The following STAB2 variants were observed in gnomAD, a reference collection of about 807,000 sequenced individuals.
The protein encoded by STAB2 is stabilin 2, also known as stabilin-2.
In STAB2, 288 loss-of-function variants were observed where a neutral mutation model predicts 338.1. That is an observed-to-expected ratio of 0.85 (90% confidence interval 0.77 to 0.94). The LOEUF is 0.94. STAB2 is among the 40% of genes least tolerant of loss of function. The pLI, the probability that STAB2 is intolerant of heterozygous loss-of-function variation, is 0.00. For missense variants in STAB2, 3,141 were observed against 3,210.1 expected (o/e 0.98, Z 0.52); for synonymous variants, 1,202 against 1,193.3 (o/e 1.01, Z -0.15).
intron 3 of STAB2, among the ~76,000 whole-genome samples, chr12:103,616,258 A>G (rs1404773187): frequency 6.6e-6 from 1 of 152,108 alleles, no homozygotes; most frequent in Non-Finnish European, 1.5e-5. Context: ...ACTCTGCCCC[A>G]TGTTCTGCCA....
At position 103,725,107 on chromosome 12, in the gene STAB2, A is replaced by G. The variant is rs1321831034; in HGVS notation, c.4803+13A>G. On this transcript the variant is annotated intron_variant, in intron 45 of 68. Coordinates refer to ENST00000388887, the MANE Select transcript of STAB2 (RefSeq NM_017564.10). The stretch of plus-strand genomic sequence containing the variant: ...CAGCATTTATCAGGTAACGCGAGAC[A>G]TGTTTCCATCAAGTAAACTCTACTT... 1 of 1,606,598 alleles carries G rather than the reference A, an allele frequency of 6.2e-7. No individual in the cohort carries two copies. The highest frequency in any genetic ancestry group is 2.2e-5 in the East Asian group (1 of 44,698).
At chr12:103,688,021 A>G in intron 27 of STAB2, 147 bp from the exon 28 acceptor site, 1 of 715,540 alleles carries the variant, frequency 1.4e-6, no homozygotes, top group Non-Finnish European at 2.5e-6. Flanking sequence ...TCACATCAGC[A>G]TCAGGGAGGC....
chr12:103,705,610 C>A (rs370343881), intron 36 of STAB2, 22 bp from the exon 37 acceptor site: 15 of 1,609,412 alleles, frequency 9.3e-6, no homozygotes, highest in Non-Finnish European at 1.2e-5. Flanking sequence ...TAGGAGCTGA[C>A]GTAGTCATTA....
intron 53 of STAB2, 100 bp downstream of exon 53, chr12:103,737,880 C>G: frequency 6.8e-7 from 1 of 1,480,854 alleles, no homozygotes; most frequent in Non-Finnish European, 9.1e-7. Context: ...AAGGGCCTGT[C>G]CTCAGCAAGA....
intron 55 of STAB2, among the ~76,000 whole-genome samples, chr12:103,742,193 G>C (rs749640605): frequency 9.9e-5 from 15 of 152,164 alleles, no homozygotes; most frequent in Non-Finnish European, 1.9e-4. Context: ...ACAGTGCACA[G>C]TTCAGTGTAT....
chr12:103,705,643 G>A lies in STAB2; in HGVS notation c.3912G>A (p.Lys1304=). 7 of 1,614,104 alleles carry A rather than the reference G, an allele frequency of 4.3e-6. No homozygotes were observed. Among genetic ancestry groups the A allele is most frequent in the Non-Finnish European group, 5.9e-6 (7 of 1,179,930 alleles). ...TTAATATTTCACAGGGTAATGAGAA[G>A]AGGAGATGCATCTATACCTCCTATT... The part of the protein sequence containing the change: ...PFGTKSLGNE[K]RRCIYTSYFM... The change falls in exon 37 of 69, where the codon AAG becomes AAA. Residue 1304 remains lysine (K), a synonymous_variant. Coordinates refer to ENST00000388887, the MANE Select transcript of STAB2 (RefSeq NM_017564.10).
At chr12:103,731,839 G>C (rs1881659805) in intron 50 of STAB2, among the ~76,000 whole-genome samples, 1 of 152,132 alleles carries the variant, frequency 6.6e-6, no homozygotes, top group Non-Finnish European at 1.5e-5. Flanking sequence ...GCTATATAAT[G>C]TACATTGGCT....
chr12:103,758,295 T>C lies in STAB2; in HGVS notation c.7107+6T>C. On this transcript the variant is annotated splice_donor_region_variant and intron_variant, in intron 64 of 68. Coordinates refer to ENST00000388887, the MANE Select transcript of STAB2 (RefSeq NM_017564.10). ...GTGGGCTGGGGGAGAATGAGGTGAGTTGAGTCCCTGGTGCCTTTGCTTTAG... is the reference window on the plus strand; with the variant it reads ...GTGGGCTGGGGGAGAATGAGGTGAGCTGAGTCCCTGGTGCCTTTGCTTTAG... 3.1e-6 allele frequency: 5 copies of C among 1,613,036 alleles called. No homozygotes were observed. Among genetic ancestry groups the C allele is most frequent in the Non-Finnish European group, 4.2e-6 (5 of 1,180,016 alleles).
chr12:103,711,530 G>T lies in STAB2; in HGVS notation c.4334+14G>T. On this transcript the variant is annotated intron_variant, in intron 40 of 68. Transcript: ENST00000388887. ...TACCAGCGCCAAGTAGGTAGCCCTG[G>T]GCCACCTCTGGGGACAGTGTAAAGG... 6.2e-7 allele frequency: 1 copy of T among 1,613,962 alleles called. No individual in the cohort carries two copies. The highest frequency in any genetic ancestry group is 8.5e-7 in the Non-Finnish European group (1 of 1,179,964).
At chr12:103,634,899 T>TA (rs1202062155) in intron 6 of STAB2, among the ~76,000 whole-genome samples, 4 of 152,224 alleles carry the variant, frequency 2.6e-5, no homozygotes, top group African/African-American at 9.6e-5. Flanking sequence ...ATAAAACCTC[T>TA]ACTCAATATT....
chr12:103,712,561 A>G, intron 41 of STAB2, 118 bp downstream of exon 41: 2 of 751,328 alleles, frequency 2.7e-6, no homozygotes, highest in Non-Finnish European at 2.4e-6. Flanking sequence ...CTGATGGTGA[A>G]TTGTATGTAA....
At chr12:103,657,203 T>C (rs78362270) in intron 15 of STAB2, among the ~76,000 whole-genome samples, 1,960 of 136,882 alleles carry the variant, frequency 0.014, 45 homozygotes, top group African/African-American at 0.051. Context: ...TCTTTAGAAC[T>C]CACATTCATA....
At chr12:103,642,712 G>A (rs1873015589) in intron 9 of STAB2, among the ~76,000 whole-genome samples, 1 of 152,166 alleles carries the variant, frequency 6.6e-6, no homozygotes, top group African/African-American at 2.4e-5. Context: ...CCAGGGCAAG[G>A]AATCTGAACG....
At chr12:103,618,757 T>G (rs1298463711) in intron 3 of STAB2, among the ~76,000 whole-genome samples, 1 of 152,148 alleles carries the variant, frequency 6.6e-6, no homozygotes, top group African/African-American at 2.4e-5. Flanking sequence ...AGATTTAACT[T>G]CAGAGGATTG....
intron 25 of STAB2, among the ~76,000 whole-genome samples, chr12:103,682,807 G>T (rs1457696703): frequency 6.6e-6 from 1 of 152,176 alleles, no homozygotes; most frequent in Non-Finnish European, 1.5e-5. Context: ...AATTAGCCAG[G>T]CGTGGTGGCA....
intron 37 of STAB2, 134 bp downstream of exon 37, chr12:103,705,861 G>GGATGACAATGA: frequency 1.3e-6 from 1 of 794,270 alleles, no homozygotes; most frequent in Non-Finnish European, 2.1e-6. Context: ...CATTATCATT[G>GGATGACAATGA]TCATCCAATG....
At chr12:103,599,557 T>G (rs534369455) in intron 3 of STAB2, among the ~76,000 whole-genome samples, 1 of 152,358 alleles carries the variant, frequency 6.6e-6, no homozygotes, top group South Asian at 2.1e-4. Flanking sequence ...CAAATAATAA[T>G]ACAGGGCACC....
At chr12:103,718,557 A>G (rs1880514903) in intron 44 of STAB2, among the ~76,000 whole-genome samples, 1 of 152,146 alleles carries the variant, frequency 6.6e-6, no homozygotes, top group African/African-American at 2.4e-5. Flanking sequence ...CAACATTTCA[A>G]GGATTGCCAC....
In STAB2 at chr12:103,708,496, T is replaced by C; in HGVS notation, c.4248T>C (p.Cys1416=). ...AAGGACCCTTGGGAGATGGCTCCTG[T>C]GACTGTGATGTTGGCTGGCGAGGAG... The part of the protein sequence containing the change: ...CNQGPLGDGS[C]DCDVGWRGVH... The change falls in exon 39 of 69, where the codon TGT becomes TGC. Residue 1416 remains cysteine (C), a synonymous_variant. Transcript: ENST00000388887. 1 of 1,614,084 alleles carries C rather than the reference T, an allele frequency of 6.2e-7. No individual in the cohort carries two copies. Among genetic ancestry groups the C allele is most frequent in the Non-Finnish European group, 8.5e-7 (1 of 1,179,934 alleles).
Sources: allele counts gnomAD v4.1 joint callset (sites outside exome capture counted in the v4.1 genomes callset), GRCh38; gene constraint gnomAD v4.1.1; transcripts MANE v1.5; gene names NCBI Gene and HGNC (gene_info 2026-07-23, HGNC 2026-07-21).